The following MYLK variants were observed in gnomAD, a reference collection of about 807,000 sequenced individuals.
MYLK encodes myosin light chain kinase, also known as myosin light chain kinase, smooth muscle.
Under a neutral mutation model 203.4 loss-of-function variants are expected in MYLK, and 106 were observed. The observed-to-expected ratio is 0.52, with a 90% CI of 0.45 to 0.61. The LOEUF (loss-of-function observed/expected upper bound fraction) is 0.61, where lower values mean the gene tolerates loss of function less well. Among genes scored for constraint, MYLK ranks in the 20% least tolerant of loss-of-function variants. The pLI is 0.00. For synonymous variants in MYLK, 867 were observed against 959.5 expected (o/e 0.90, Z 1.78); for missense variants, 2,072 against 2,442.3 (o/e 0.85, Z 3.20).
intron 2 of MYLK, among the ~76,000 whole-genome samples, chr3:123,857,349 T>A: frequency 6.6e-6 from 1 of 151,940 alleles, no homozygotes; most frequent in Non-Finnish European, 1.5e-5. Flanking sequence ...CATGCACACG[T>A]ATGTTTATTG....
chr3:123,733,029 A>G lies in MYLK; in HGVS notation c.1383T>C (p.Ile461=). The part of the protein sequence containing the change: ...GTPVRRQEGS[I]EVYEDAGSHY... ...GGGAGCCAGCATCTTCATAAACCTCAATGCTGCCTTCCTGTCTCCTCACGG... is the reference window on the plus strand; with the variant it reads ...GGGAGCCAGCATCTTCATAAACCTCGATGCTGCCTTCCTGTCTCCTCACGG... Residue 461 remains isoleucine, a synonymous_variant, in exon 11 of 34, where the codon ATT becomes ATC. Coordinates refer to ENST00000360304, the MANE Select transcript of MYLK (RefSeq NM_053025.4). 3 of 1,614,050 alleles carry G rather than the reference A, an allele frequency of 1.9e-6. No individual in the cohort carries two copies. Among genetic ancestry groups the G allele is most frequent in the Non-Finnish European group, 2.5e-6 (3 of 1,179,986 alleles).
intron 1 of MYLK, among the ~76,000 whole-genome samples, 191 bp from the exon 2 acceptor site, chr3:123,876,808 C>T (rs1577168424): frequency 6.6e-6 from 1 of 152,150 alleles, no homozygotes; most frequent in East Asian, 1.9e-4. Context: ...TGTTATCAGC[C>T]AGTTCTGGAA....
At chr3:123,751,382 A>T (rs1458534037) in intron 5 of MYLK, among the ~76,000 whole-genome samples, 2 of 152,264 alleles carry the variant, frequency 1.3e-5, no homozygotes, top group African/African-American at 4.8e-5. Context: ...AGAATTTTTT[A>T]AAGTACAGAG....
chr3:123,878,658 G>A (rs750722666), intron 1 of MYLK, among the ~76,000 whole-genome samples: 2 of 152,188 alleles, frequency 1.3e-5, no homozygotes, highest in Admixed American at 6.5e-5. Flanking sequence ...GATAGGTAGT[G>A]ATGAGAACTC....
Position 123,708,696 on chromosome 3 carries a change from A to G in MYLK, c.2140+2T>C, listed in dbSNP as rs2061559503. On this transcript the variant is annotated splice_donor_variant, in intron 15 of 33. Transcript: ENST00000360304. LOFTEE classifies it high-confidence loss of function. ...CACTCGCTCTGAGTGGGTCAGCCTC[A>G]CCTTGTACCGTGAGCACGGCCTGGG... 1.2e-6 allele frequency: 2 copies of G among 1,613,940 alleles called. No individual in the cohort carries two copies. Among genetic ancestry groups the G allele is most frequent in the Non-Finnish European group, 1.7e-6 (2 of 1,180,002 alleles).
At chr3:123,709,201 T>C (rs568974953) in intron 14 of MYLK, 31 of 229,254 alleles carry the variant, frequency 1.4e-4, no homozygotes, top group South Asian at 7.3e-4. Context: ...AGTGCAGTGG[T>C]GCGATCTCGG....
At chr3:123,800,193 T>A (rs1316608622) in intron 3 of MYLK, 10 of 152,166 alleles carry the variant, frequency 6.6e-5, no homozygotes, top group Admixed American at 5.9e-4. Context: ...TTTTTATTTT[T>A]ACTTGTTCAG....
At chr3:123,735,788 T>A (rs965513723) in intron 8 of MYLK, 1 of 199,874 alleles carries the variant, frequency 5.0e-6, no homozygotes, top group African/African-American at 2.3e-5. Flanking sequence ...TGTTATCCAG[T>A]TCTTCAAAGA....
chr3:123,804,533 C>T (rs1450911959), intron 3 of MYLK, among the ~76,000 whole-genome samples: 2 of 152,164 alleles, frequency 1.3e-5, no homozygotes, highest in Non-Finnish European at 2.9e-5. Flanking sequence ...AGGCTGTGAG[C>T]AGGTTCTCTA....
chr3:123,749,218 G>T (rs895124072), intron 5 of MYLK, among the ~76,000 whole-genome samples: 1 of 151,756 alleles, frequency 6.6e-6, no homozygotes, highest in Non-Finnish European at 1.5e-5. Context: ...GGTCGAGGCT[G>T]CAGTGAGCTG....
At chr3:123,723,750 A>G (rs2062174880) in intron 12 of MYLK, among the ~76,000 whole-genome samples, 2 of 152,218 alleles carry the variant, frequency 1.3e-5, no homozygotes, top group African/African-American at 4.8e-5. Flanking sequence ...ATCGCCCTCT[A>G]GTGGAATGGG....
At chr3:123,731,385 C>G (rs1426572538) in intron 11 of MYLK, among the ~76,000 whole-genome samples, 1 of 152,166 alleles carries the variant, frequency 6.6e-6, no homozygotes, top group Non-Finnish European at 1.5e-5. Flanking sequence ...ATGATTTGTG[C>G]ACACACAGGC....
chr3:123,737,633 A>T lies in MYLK; in HGVS notation c.589-90T>A, dbSNP rs951318965. On this transcript the variant is annotated intron_variant, in intron 7 of 33. Coordinates refer to ENST00000360304, the MANE Select transcript of MYLK (RefSeq NM_053025.4). ...CCTCCTGCCAATCCTAGTGGGATAG[A>T]CTCCAGGGCCTGGGCAGCAGCGTCC... 6.5e-6 allele frequency: 10 copies of T among 1,545,266 alleles called. No homozygotes were observed. In the African/African-American group the frequency reaches 1.4e-4, roughly 21 times the overall value.
At chr3:123,716,758 C>T (rs571723026) in intron 13 of MYLK, among the ~76,000 whole-genome samples, 2 of 152,278 alleles carry the variant, frequency 1.3e-5, no homozygotes, top group South Asian at 4.1e-4. Context: ...TGATCTGGGT[C>T]TCTATGTAAT....
At chr3:123,787,792 T>C (rs1389753635) in intron 4 of MYLK, among the ~76,000 whole-genome samples, 3 of 152,198 alleles carry the variant, frequency 2.0e-5, no homozygotes, top group East Asian at 1.9e-4. Context: ...TTAACAAATA[T>C]GTTAGTCCCC....
chr3:123,647,194 T>C, intron 27 of MYLK, 30 bp downstream of exon 27: 1 of 1,605,460 alleles, frequency 6.2e-7, no homozygotes, highest in Non-Finnish European at 8.5e-7. Flanking sequence ...CTCCCTGTGG[T>C]GCCCACGCTG....
intron 33 of MYLK, among the ~76,000 whole-genome samples, chr3:123,615,386 T>C (rs2057422160): frequency 6.6e-6 from 1 of 151,822 alleles, no homozygotes; most frequent in Admixed American, 6.6e-5. Context: ...CAGGCTGGAG[T>C]GCAGTAGCGT....
At position 123,734,083 on chromosome 3, in the gene MYLK, A is replaced by C. The variant is rs768147482; in HGVS notation, c.913T>G (p.Ser305Ala). The C allele has an allele frequency of 6.2e-7, 1 of 1,612,320 alleles. No individual in the cohort carries two copies. Among genetic ancestry groups the C allele is most frequent in the Non-Finnish European group, 8.5e-7 (1 of 1,179,068 alleles). The stretch of plus-strand genomic sequence containing the variant: ...TGGCTGTTTGCAGCCCAGGGTGGGG[A>C]GCCACCTCTCTGGGGGCTGGAGCAG... ...KNCSSPQRGG[S>A]PPWAANSQPQ... Residue 305 changes from serine to alanine, a missense_variant, in exon 10 of 34, where the codon TCC (serine) becomes GCC (alanine). Transcript: ENST00000360304.
At chr3:123,660,473 C>T (rs955257574) in intron 23 of MYLK, among the ~76,000 whole-genome samples, 26 of 152,280 alleles carry the variant, frequency 1.7e-4, no homozygotes, top group African/African-American at 6.3e-4. Flanking sequence ...CTGTCCCCTC[C>T]CTTATTCCCC....
Sources: allele counts gnomAD v4.1 joint callset (sites outside exome capture counted in the v4.1 genomes callset), GRCh38; gene constraint gnomAD v4.1.1; transcripts MANE v1.5; gene names NCBI Gene and HGNC (gene_info 2026-07-23, HGNC 2026-07-21).